Variants in FAM13A observed in about 807,000 individuals in gnomAD.
FAM13A encodes the protein protein FAM13A.
A neutral mutation model predicts 129.6 loss-of-function variants in FAM13A; 76 were observed. That is an observed-to-expected ratio of 0.59 (90% CI 0.49 to 0.71). The LOEUF (loss-of-function observed/expected upper bound fraction) is 0.71. FAM13A is among the 30% of genes least tolerant of loss of function. FAM13A has a pLI of 0.00. For synonymous variants in FAM13A, 443 were observed against 449.9 expected (o/e 0.98, Z 0.20); for missense variants, 1,108 against 1,249.3 (o/e 0.89, Z 1.70).
At position 89,057,082 on chromosome 4, in the gene FAM13A, C is replaced by A; in HGVS notation, c.-118G>T. ...TTGATGTGAAAAACAGCTCCCAATG[C>A]AAAGGCCCCAAGGTAAGCGAAGAGC... On this transcript the variant is annotated 5_prime_UTR_variant, in exon 1 of 24. Transcript: ENST00000264344. 1 of 1,540,476 alleles carries A rather than the reference C, an allele frequency of 6.5e-7. No individual in the cohort carries two copies. The highest frequency in any genetic ancestry group is 8.7e-7 in the Non-Finnish European group (1 of 1,147,000).
At chr4:88,847,908 G>A (rs1056276223) in intron 7 of FAM13A, among the ~76,000 whole-genome samples, 3 of 151,330 alleles carry the variant, frequency 2.0e-5, no homozygotes, top group Admixed American at 6.6e-5. Context: ...AGCAGAGATC[G>A]AGCCACTGCA....
chr4:89,027,256 C>T (rs183248253), intron 2 of FAM13A, among the ~76,000 whole-genome samples: 112 of 152,220 alleles, frequency 7.4e-4, no homozygotes, highest in African/African-American at 2.3e-3. Context: ...CATCTATAAT[C>T]GAAGCTACTT....
chr4:88,768,841 T>G (rs1382508415), intron 11 of FAM13A, among the ~76,000 whole-genome samples: 1 of 152,186 alleles, frequency 6.6e-6, no homozygotes, highest in Non-Finnish European at 1.5e-5. Context: ...ATGTAAGATA[T>G]CTTTGACTGC....
intron 3 of FAM13A, among the ~76,000 whole-genome samples, chr4:88,999,292 T>C (rs1395958173): frequency 6.6e-6 from 1 of 152,118 alleles, no homozygotes; most frequent in Admixed American, 6.5e-5. Context: ...GTGGTGTACA[T>C]AAAAATATAA....
At chr4:88,823,311 C>A in intron 7 of FAM13A, 1 of 1,153,390 alleles carries the variant, frequency 8.7e-7, no homozygotes. Context: ...TGCTGCAGCA[C>A]TAAAGGCGCT....
chr4:88,870,931 G>A (rs542027523), intron 6 of FAM13A, among the ~76,000 whole-genome samples: 9 of 152,290 alleles, frequency 5.9e-5, no homozygotes, highest in African/African-American at 1.7e-4. Flanking sequence ...CCAGAGGAAG[G>A]ATCAGGCAGC....
chr4:88,898,318 T>C (rs534254993), intron 6 of FAM13A, among the ~76,000 whole-genome samples: 3 of 152,166 alleles, frequency 2.0e-5, no homozygotes, highest in Admixed American at 6.5e-5. Flanking sequence ...ATTTTTGACA[T>C]TGAATGTTTA....
chr4:88,898,500 T>C (rs1415333534), intron 6 of FAM13A, among the ~76,000 whole-genome samples: 1 of 152,130 alleles, frequency 6.6e-6, no homozygotes, highest in Non-Finnish European at 1.5e-5. Flanking sequence ...ATAAGTTTTA[T>C]AAGGAAAGAT....
chr4:89,051,851 T>A (rs368002303), intron 1 of FAM13A, among the ~76,000 whole-genome samples: 4 of 152,258 alleles, frequency 2.6e-5, no homozygotes, highest in Non-Finnish European at 5.9e-5. Context: ...TCAAGAATAA[T>A]CCTTTTTGGC....
intron 4 of FAM13A, among the ~76,000 whole-genome samples, chr4:88,980,173 T>C (rs556533549): frequency 6.6e-6 from 1 of 152,306 alleles, no homozygotes; most frequent in African/African-American, 2.4e-5. Context: ...TATTATCCCA[T>C]CTTTAGTCAT....
chr4:88,834,112 A>G (rs1734405070), intron 7 of FAM13A, among the ~76,000 whole-genome samples: 1 of 110,316 alleles, frequency 9.1e-6, no homozygotes, highest in South Asian at 3.0e-4. Flanking sequence ...AGGTCTCACT[A>G]TGTTGCCTAA....
chr4:88,838,372 CTCTA>C (rs60555237), intron 7 of FAM13A, among the ~76,000 whole-genome samples: 10,648 of 152,240 alleles, frequency 0.07, 520 homozygotes, highest in African/African-American at 0.14. Flanking sequence ...AATCTTGAAG[CTCTA>C]TCTTTCAGCA....
chr4:88,956,790 C>T (rs570164923), intron 4 of FAM13A, among the ~76,000 whole-genome samples: 143 of 152,338 alleles, frequency 9.4e-4, no homozygotes, highest in Middle Eastern at 3.4e-3. Context: ...CCTCCTCTCA[C>T]AACACACCTT....
chr4:88,872,694 TTTTAACAACCCACTGTCAATA>T (rs1256383274), intron 6 of FAM13A, among the ~76,000 whole-genome samples: 1 of 149,542 alleles, frequency 6.7e-6, no homozygotes. Context: ...AATGGGAGAG[TTTTAACAACCCACTGTCAATA>T]TTAGACAGAT....
intron 8 of FAM13A, among the ~76,000 whole-genome samples, chr4:88,804,763 G>GA (rs1475057010): frequency 6.6e-6 from 1 of 152,024 alleles, no homozygotes; most frequent in Non-Finnish European, 1.5e-5. Flanking sequence ...AAATTAAAAT[G>GA]ATCACCTTGG....
chr4:88,988,115 G>A (rs1221069461), intron 4 of FAM13A, among the ~76,000 whole-genome samples: 1 of 151,950 alleles, frequency 6.6e-6, no homozygotes. Context: ...TGCACATCCT[G>A]CACATGTATC....
At chr4:88,994,570 T>C (rs1282067900) in intron 3 of FAM13A, among the ~76,000 whole-genome samples, 4 of 152,170 alleles carry the variant, frequency 2.6e-5, no homozygotes, top group Non-Finnish European at 5.9e-5. Flanking sequence ...CAGGGTGTGG[T>C]GGCTCATGCC....
At chr4:88,850,417 C>T in intron 7 of FAM13A, among the ~76,000 whole-genome samples, 1 of 152,024 alleles carries the variant, frequency 6.6e-6, no homozygotes, top group East Asian at 1.9e-4. Context: ...ATTAGCCGGG[C>T]ATGGTGGCAC....
intron 15 of FAM13A, 74 bp downstream of exon 15, chr4:88,750,350 C>T: frequency 8.1e-7 from 1 of 1,232,366 alleles, no homozygotes; most frequent in Non-Finnish European, 1.2e-6. Context: ...AAATTATTCA[C>T]TATCAGTGCC....
Sources: allele counts gnomAD v4.1 joint callset (sites outside exome capture counted in the v4.1 genomes callset), GRCh38; gene constraint gnomAD v4.1.1; transcripts MANE v1.5; gene names NCBI Gene and HGNC (gene_info 2026-07-23, HGNC 2026-07-21).